The following CDH13 variants were observed in gnomAD, a reference collection of about 807,000 sequenced individuals.
CDH13 encodes cadherin 13, also known as cadherin-13.
A neutral mutation model predicts 63.8 loss-of-function variants in CDH13; 24 were observed. The ratio of observed to expected loss-of-function variants is 0.38; its 90% CI spans 0.27 to 0.53. The LOEUF is 0.53. CDH13 is among the 20% of genes least tolerant of loss of function. The probability of loss-of-function intolerance (pLI) is 0.85; values close to 1 mark genes in which losing one functional copy is unlikely to be tolerated. For missense variants in CDH13, 1,049 were observed against 903.1 expected (o/e 1.16, Z -2.07); for synonymous variants, 503 against 355.3 (o/e 1.42, Z -4.67).
intron 6 of CDH13, among the ~76,000 whole-genome samples, chr16:83,426,509 T>TCACACACACACACA (rs10545707): frequency 2.0e-5 from 3 of 146,606 alleles, no homozygotes; most frequent in African/African-American, 2.5e-5. Flanking sequence ...ATGGAAACAA[T>TCACACACACACACA]CACACACACA....
intron 1 of CDH13, among the ~76,000 whole-genome samples, chr16:82,832,131 T>G (rs2038567514): frequency 6.6e-6 from 1 of 152,228 alleles, no homozygotes; most frequent in Admixed American, 6.5e-5. Context: ...TGTATGAAGA[T>G]GTTACTGTTG....
chr16:83,439,729 T>C (rs1282883446), intron 6 of CDH13, among the ~76,000 whole-genome samples: 1 of 152,238 alleles, frequency 6.6e-6, no homozygotes, highest in East Asian at 1.9e-4. Context: ...TTATCTGATG[T>C]TGGTATTCTC....
At chr16:83,313,585 A>C (rs2090044227) in intron 5 of CDH13, among the ~76,000 whole-genome samples, 1 of 151,830 alleles carries the variant, frequency 6.6e-6, no homozygotes, top group Admixed American at 6.6e-5. Context: ...GTAGATTTTT[A>C]AAAGAAATTT....
chr16:82,758,623 G>A (rs540304207), intron 1 of CDH13, among the ~76,000 whole-genome samples: 20 of 152,308 alleles, frequency 1.3e-4, no homozygotes, highest in Middle Eastern at 3.4e-3. Flanking sequence ...GAGAGGTCAC[G>A]CGGCACAGAA....
intron 1 of CDH13, among the ~76,000 whole-genome samples, chr16:82,661,255 C>A (rs1333526473): frequency 1.3e-5 from 2 of 152,258 alleles, no homozygotes; most frequent in Admixed American, 6.5e-5. Flanking sequence ...GACACACGCT[C>A]TGTCCATTGA....
At chr16:83,541,884 A>C (rs929244060) in intron 7 of CDH13, among the ~76,000 whole-genome samples, 6 of 152,254 alleles carry the variant, frequency 3.9e-5, no homozygotes, top group Non-Finnish European at 5.9e-5. Context: ...ATAGCTTTAG[A>C]ATGCAAGCCC....
chr16:83,043,481 GTATA>G (rs1917500443), intron 3 of CDH13, among the ~76,000 whole-genome samples: 1 of 137,026 alleles, frequency 7.3e-6, no homozygotes, highest in Non-Finnish European at 1.5e-5. Flanking sequence ...TATAATAACT[GTATA>G]TATGAGTGTG....
intron 1 of CDH13, among the ~76,000 whole-genome samples, chr16:82,747,847 C>G (rs998010954): frequency 1.3e-5 from 2 of 152,182 alleles, no homozygotes; most frequent in Non-Finnish European, 2.9e-5. Context: ...GGCCTTTTCA[C>G]TTGCATTTTC....
chr16:83,040,041 C>T (rs1386939466), intron 3 of CDH13, among the ~76,000 whole-genome samples: 1 of 151,558 alleles, frequency 6.6e-6, no homozygotes, highest in Admixed American at 6.6e-5. Context: ...TCTGCTTGTG[C>T]CTGTCTTAAT....
At chr16:83,708,357 C>G (rs1223544175) in intron 10 of CDH13, among the ~76,000 whole-genome samples, 1 of 152,170 alleles carries the variant, frequency 6.6e-6, no homozygotes, top group Non-Finnish European at 1.5e-5. Context: ...ATGGCATTAG[C>G]CAGAGGAGGT....
rs527639657 is a variant in CDH13, at chr16:83,154,166, G to A, written c.483+28665G>A. Among the ~76,000 whole-genome samples the A allele has an allele frequency of 9.9e-5, 15 of 152,166 alleles. No individual in the cohort carries two copies. In the East Asian group the frequency reaches 1.5e-3, roughly 16 times the overall value. ...ATGCTACGGTTCTGCCACCTTTGTC[G>A]TTTGCCATGACACGAGCTTATCCTA... On this transcript the variant is annotated intron_variant, in intron 4 of 13. Transcript: ENST00000567109.
In CDH13 at chr16:83,327,777, T is replaced by G. The variant is rs138320887; in HGVS notation, c.637-17085T>G. Among the ~76,000 whole-genome samples the G allele has an allele frequency of 2.3e-3, 345 of 152,246 alleles. 1 individual carries two copies. Among genetic ancestry groups the G allele is most frequent in the African/African-American group, 7.5e-3 (313 of 41,550 alleles). On this transcript the variant is annotated intron_variant, in intron 5 of 13. Coordinates refer to ENST00000567109, the MANE Select transcript of CDH13 (RefSeq NM_001257.5). ...TGAGGGAGCAAGTCATGAAAACTCT[T>G]TGGAAAAGAAAAAAGTCTTATAGGT...
At chr16:83,656,886 G>T (rs887594953) in intron 8 of CDH13, among the ~76,000 whole-genome samples, 2 of 152,180 alleles carry the variant, frequency 1.3e-5, no homozygotes, top group African/African-American at 2.4e-5. Flanking sequence ...AATCTTTAGG[G>T]ATCGACACTG....
At chr16:83,563,517 T>C (rs2075743177) in intron 7 of CDH13, among the ~76,000 whole-genome samples, 1 of 152,256 alleles carries the variant, frequency 6.6e-6, no homozygotes, top group African/African-American at 2.4e-5. Context: ...CTAAATTGGT[T>C]AATCTGAAGT....
At chr16:83,116,388 G>A (rs530347470) in intron 3 of CDH13, among the ~76,000 whole-genome samples, 5 of 152,292 alleles carry the variant, frequency 3.3e-5, no homozygotes, top group African/African-American at 1.2e-4. Flanking sequence ...GCCTTCCTGG[G>A]CAGCAGGGAT....
chr16:83,310,639 T>C (rs1183030903), intron 5 of CDH13, among the ~76,000 whole-genome samples: 2 of 152,200 alleles, frequency 1.3e-5, no homozygotes, highest in Non-Finnish European at 2.9e-5. Flanking sequence ...GCTTCCTTTT[T>C]AGTTATGTCT....
At chr16:82,795,536 G>T (rs538433915) in intron 1 of CDH13, among the ~76,000 whole-genome samples, 47 of 152,264 alleles carry the variant, frequency 3.1e-4, no homozygotes, top group African/African-American at 1.0e-3. Context: ...TTTATGGAAT[G>T]CTCAGTCAAC....
chr16:82,885,376 A>G (rs948835663), intron 2 of CDH13, among the ~76,000 whole-genome samples: 1 of 152,062 alleles, frequency 6.6e-6, no homozygotes, highest in African/African-American at 2.4e-5. Flanking sequence ...TCATCCATCT[A>G]TCCACCTATC....
At chr16:83,037,636 C>G (rs1916981893) in intron 3 of CDH13, among the ~76,000 whole-genome samples, 1 of 152,112 alleles carries the variant, frequency 6.6e-6, no homozygotes, top group Non-Finnish European at 1.5e-5. Flanking sequence ...GATTTATATG[C>G]TCCTAGGGAC....
Sources: gnomAD v4.1 joint callset for allele counts (sites outside exome capture counted in the v4.1 genomes callset) on GRCh38, gnomAD v4.1.1 for gene constraint, MANE v1.5 for transcripts, NCBI Gene and HGNC (gene_info 2026-07-23, HGNC 2026-07-21) for gene names.